Variants in SULF1 observed in about 807,000 individuals in gnomAD.
SULF1 encodes the protein extracellular sulfatase Sulf-1.
Under a neutral mutation model 110.5 loss-of-function variants are expected in SULF1, and 46 were observed. The observed-to-expected ratio is 0.42, with a 90% CI of 0.33 to 0.53. The LOEUF (loss-of-function observed/expected upper bound fraction) is 0.53, where lower values mean the gene tolerates loss of function less well. SULF1 is among the 20% of genes least tolerant of loss of function. The pLI is 0.12. For synonymous variants in SULF1, 371 were observed against 387.1 expected (o/e 0.96, Z 0.49); for missense variants, 941 against 1,094.2 (o/e 0.86, Z 1.98).
rs186274995 is a variant in SULF1, at chr8:69,511,357, T to G, written c.-134+9389T>G. On this transcript the variant is annotated intron_variant, in intron 3 of 22. Transcript: ENST00000402687. ...TTGACAAATACTAATAAATAACAAC[T>G]AATAATCACGAAAATCCGATAAAAA... 4.5e-4 allele frequency among the ~76,000 whole-genome samples: 68 copies of G among 152,314 alleles called. 1 individual carries two copies. The highest frequency in any genetic ancestry group is 1.5e-3 in the African/African-American group (63 of 41,568).
intron 19 of SULF1, 46 bp downstream of exon 19, chr8:69,629,725 C>T (rs754956172): frequency 1.3e-6 from 2 of 1,483,054 alleles, no homozygotes; most frequent in African/African-American, 1.4e-5. Context: ...CATGCAGAGA[C>T]AGCGACTCAT....
chr8:69,593,194 T>C lies in SULF1; in HGVS notation c.734+4053T>C, dbSNP rs1176971330. On this transcript the variant is annotated intron_variant, in intron 8 of 22. Transcript: ENST00000402687. Reference sequence around the variant, plus strand: ...GGAGGAAGGGGCTGGAAGGAGTGAGTGTGTGCACAGGTTCAGAGTTCAGTC... The same window carrying C: ...GGAGGAAGGGGCTGGAAGGAGTGAGCGTGTGCACAGGTTCAGAGTTCAGTC... 4.6e-5 allele frequency among the ~76,000 whole-genome samples: 7 copies of C among 152,170 alleles called. No individual in the cohort carries two copies. The East Asian group carries it at 1.4e-3, about 29-fold the overall frequency.
chr8:69,636,381 A>T (rs1469386814), intron 19 of SULF1, among the ~76,000 whole-genome samples: 1 of 151,966 alleles, frequency 6.6e-6, no homozygotes, highest in African/African-American at 2.4e-5. Flanking sequence ...CTAAAAATAC[A>T]AAAAAATTAA....
intron 1 of SULF1, among the ~76,000 whole-genome samples, chr8:69,486,311 C>G (rs917821540): frequency 8.3e-6 from 1 of 121,020 alleles, no homozygotes; most frequent in African/African-American, 4.2e-5. Context: ...GTAAAGAAAC[C>G]AGGCTTTTTT....
At chr8:69,586,714 A>C (rs1289684132) in intron 7 of SULF1, among the ~76,000 whole-genome samples, 1 of 152,166 alleles carries the variant, frequency 6.6e-6, no homozygotes, top group Non-Finnish European at 1.5e-5. Context: ...CCTCATTAGG[A>C]TGAAAGGCAA....
intron 3 of SULF1, among the ~76,000 whole-genome samples, chr8:69,550,484 G>A (rs943038804): frequency 1.3e-5 from 2 of 152,120 alleles, no homozygotes; most frequent in Non-Finnish European, 2.9e-5. Flanking sequence ...GAAAAAGGTG[G>A]AATGGTGAGG....
At chr8:69,588,351 G>A (rs1034235458) in intron 7 of SULF1, among the ~76,000 whole-genome samples, 2 of 152,212 alleles carry the variant, frequency 1.3e-5, no homozygotes, top group African/African-American at 4.8e-5. Context: ...AGTGTTTCAA[G>A]TAAATTAACT....
chr8:69,478,650 A>G (rs1809399060), intron 1 of SULF1, among the ~76,000 whole-genome samples: 1 of 152,108 alleles, frequency 6.6e-6, no homozygotes, highest in African/African-American at 2.4e-5. Flanking sequence ...TCTTCCAACC[A>G]TCAATAATCT....
At position 69,658,920 on chromosome 8, in the gene SULF1, T is replaced by C. The variant is rs1485005672; in HGVS notation, c.*385T>C. 2.1e-6 allele frequency: 1 copy of C among 471,122 alleles called. No individual in the cohort carries two copies. The highest frequency in any genetic ancestry group is 6.5e-5 in the East Asian group (1 of 15,412). 29.2% of individuals were successfully genotyped at this position (471,122 alleles called of 1,614,324 possible). On this transcript the variant is annotated 3_prime_UTR_variant, in exon 23 of 23. Coordinates refer to ENST00000402687, the MANE Select transcript of SULF1 (RefSeq NM_001128205.2). ...GTCCAGAGAGTAAACTTGAATGGAA[T>C]AACGACATTCCAGAAGTTAATCATT...
In SULF1 at chr8:69,589,036, A is replaced by T; in HGVS notation, c.629A>T (p.Tyr210Phe). 6.2e-7 allele frequency: 1 copy of T among 1,614,224 alleles called. No individual in the cohort carries two copies. Among genetic ancestry groups the T allele is most frequent in the South Asian group, 1.1e-5 (1 of 91,088 alleles). ...INYFKMSKRMYPHRPVMMVIS... is the reference protein window; with the variant it reads ...INYFKMSKRMFPHRPVMMVIS... ...TACTTCAAAATGTCTAAGAGAATGTATCCCCATAGGCCCGTTATGATGGTG... is the reference window on the plus strand; with the variant it reads ...TACTTCAAAATGTCTAAGAGAATGTTTCCCCATAGGCCCGTTATGATGGTG... Residue 210 changes from tyrosine to phenylalanine, a missense_variant, in exon 8 of 23, where the codon TAT becomes TTT. By Grantham distance (22) the Tyr-to-Phe change is conservative (BLOSUM62 3). Transcript: ENST00000402687.
At chr8:69,656,007 T>G (rs1476944344) in intron 22 of SULF1, among the ~76,000 whole-genome samples, 1 of 152,250 alleles carries the variant, frequency 6.6e-6, no homozygotes, top group Non-Finnish European at 1.5e-5. Flanking sequence ...TCACAGCCTC[T>G]GGAAGATTGC....
At chr8:69,645,864 A>G (rs1811869363) in intron 22 of SULF1, among the ~76,000 whole-genome samples, 1 of 152,152 alleles carries the variant, frequency 6.6e-6, no homozygotes, top group African/African-American at 2.4e-5. Context: ...TGTTTTGACC[A>G]TGGGGGAGGA....
intron 8 of SULF1, among the ~76,000 whole-genome samples, chr8:69,597,910 C>T (rs774946171): frequency 5.9e-5 from 9 of 152,134 alleles, no homozygotes; most frequent in Non-Finnish European, 1.3e-4. Flanking sequence ...CTATATTTCT[C>T]TGACCTCGGA....
chr8:69,580,938 A>AT (rs896119694), intron 6 of SULF1, among the ~76,000 whole-genome samples: 66 of 152,300 alleles, frequency 4.3e-4, no homozygotes, highest in African/African-American at 1.4e-3. Context: ...CTAATATGAG[A>AT]TTTTTTAAAT....
In SULF1 at chr8:69,582,442, G is replaced by A. The variant is rs140949297; in HGVS notation, c.413-3915G>A. ...TAGTTGTAGGAGCACTTAACAAGCCGTTGTTTTGTGCCAGGCACTGTTTTC... is the reference window on the plus strand; with the variant it reads ...TAGTTGTAGGAGCACTTAACAAGCCATTGTTTTGTGCCAGGCACTGTTTTC... On this transcript the variant is annotated intron_variant, in intron 6 of 22. Coordinates refer to ENST00000402687, the MANE Select transcript of SULF1 (RefSeq NM_001128205.2). Among the ~76,000 whole-genome samples, 380 of 152,266 alleles carry A rather than the reference G, an allele frequency of 2.5e-3. 2 individuals are homozygous for A. The highest frequency in any genetic ancestry group is 8.0e-3 in the African/African-American group (331 of 41,546).
intron 5 of SULF1, among the ~76,000 whole-genome samples, chr8:69,572,013 T>C (rs566194221): frequency 6.6e-6 from 1 of 152,176 alleles, no homozygotes; most frequent in Admixed American, 6.5e-5. Context: ...GACAGACAGA[T>C]CCACAGCCCA....
At chr8:69,640,708 T>C (rs1278416280) in intron 21 of SULF1, 100 bp from the exon 22 acceptor site, 4 of 1,013,564 alleles carry the variant, frequency 3.9e-6, no homozygotes, top group Non-Finnish European at 5.8e-6. Flanking sequence ...ACCATGTGTT[T>C]CTTTCTAGGA....
At chr8:69,566,778 A>G (rs2150726642) in intron 5 of SULF1, among the ~76,000 whole-genome samples, 1 of 151,224 alleles carries the variant, frequency 6.6e-6, no homozygotes, top group South Asian at 2.1e-4. Flanking sequence ...TTGACCCGTG[A>G]GGCAGAGGTT....
intron 6 of SULF1, among the ~76,000 whole-genome samples, chr8:69,577,437 G>A (rs1487676337): frequency 6.6e-6 from 1 of 152,104 alleles, no homozygotes; most frequent in Non-Finnish European, 1.5e-5. Flanking sequence ...CCTAATAACC[G>A]GTTCCTGATT....
Sources: allele counts gnomAD v4.1 joint callset (sites outside exome capture counted in the v4.1 genomes callset), GRCh38; gene constraint gnomAD v4.1.1; transcripts MANE v1.5; gene names NCBI Gene and HGNC (gene_info 2026-07-23, HGNC 2026-07-21).